The following MROH7 variants were observed in gnomAD, a reference collection of about 807,000 sequenced individuals.
MROH7 encodes maestro heat-like repeat-containing protein family member 7.
Under a neutral mutation model 129.2 loss-of-function variants are expected in MROH7, and 113 were observed. The observed-to-expected ratio is 0.87, with a 90% confidence interval of 0.75 to 1.02. MROH7 has a LOEUF of 1.02. Among genes scored for constraint, MROH7 ranks in the 50% least tolerant of loss-of-function variants. MROH7 has a pLI of 0.00. For synonymous variants in MROH7, 655 were observed against 667.9 expected, an observed-to-expected ratio of 0.98 and a Z score of 0.30; for missense variants, 1,601 against 1,671.3, an observed-to-expected ratio of 0.96 and a Z score of 0.73.
At chr1:54,652,602 T>C (rs1333300349) in intron 2 of MROH7, among the ~76,000 whole-genome samples, 1 of 152,182 alleles carries the variant, frequency 6.6e-6, no homozygotes, top group Non-Finnish European at 1.5e-5. Context: ...ATTACCCCCA[T>C]GCAATCCTAC....
At chr1:54,695,548 C>A in intron 17 of MROH7, 58 bp downstream of exon 17, 1 of 1,061,118 alleles carries the variant, frequency 9.4e-7, no homozygotes, top group Non-Finnish European at 1.4e-6. Flanking sequence ...CGGTTCACGT[C>A]ACTGGTCATT....
rs762228723 is a variant in MROH7 at position 54,653,132 on chromosome 1, CA to C, written c.207del (p.Glu71ArgfsTer59). On this transcript the variant is annotated frameshift_variant, in exon 3 of 24. Transcript: ENST00000421030. LOFTEE classifies it high-confidence loss of function. ...CTTAATGATTCTTTGAGTCCAGTCT[CA>C]GGGGAGGCCTCAGGCCTGGTGTCTG... Reference protein sequence around the residue: ...PDLNDSLSPVSGEASGLVSEN... With the variant: ...PDLNDSLSPVXGEASGLVSEN... The C allele has an allele frequency of 1.2e-6, 2 of 1,614,086 alleles. No homozygotes were observed. Among genetic ancestry groups the C allele is most frequent in the Non-Finnish European group, 1.7e-6 (2 of 1,180,046 alleles).
In MROH7 at chr1:54,701,945, C is replaced by A. The variant is rs111749835; in HGVS notation, c.3286-145C>A. On this transcript the variant is annotated intron_variant, in intron 19 of 23. Coordinates refer to ENST00000421030, the MANE Select transcript of MROH7 (RefSeq NM_001039464.4). Reference sequence around the variant, plus strand: ...CATTTTCCTACTTAGCACTCAGGTGCCTTTTAGGTTAGTGGGGGTCTGGCT... The same window carrying A: ...CATTTTCCTACTTAGCACTCAGGTGACTTTTAGGTTAGTGGGGGTCTGGCT... 5.9e-5 allele frequency: 35 copies of A among 594,632 alleles called. 1 individual carries two copies. Among genetic ancestry groups the A allele is most frequent in the African/African-American group, 5.4e-4 (28 of 51,478 alleles). 36.8% of individuals were successfully genotyped at this position (594,632 alleles called of 1,614,324 possible).
intron 21 of MROH7, 91 bp downstream of exon 21, chr1:54,702,836 A>C: frequency 6.9e-7 from 1 of 1,453,068 alleles, no homozygotes; most frequent in Non-Finnish European, 9.3e-7. Flanking sequence ...TCCCACCAGC[A>C]TCCTATTTCC....
At chr1:54,648,372 A>ATTT (rs1207373736) in intron 1 of MROH7, among the ~76,000 whole-genome samples, 1 of 127,194 alleles carries the variant, frequency 7.9e-6, no homozygotes, top group African/African-American at 2.8e-5. Flanking sequence ...TTATTTATTT[A>ATTT]TTTATTTTTT....
intron 7 of MROH7, among the ~76,000 whole-genome samples, chr1:54,672,477 A>G (rs1644917268): frequency 6.6e-6 from 1 of 152,112 alleles, no homozygotes; most frequent in Non-Finnish European, 1.5e-5. Flanking sequence ...CCATAAGACA[A>G]TTCTGGGATG....
intron 4 of MROH7, 75 bp from the exon 5 acceptor site, chr1:54,668,779 G>A: frequency 8.9e-7 from 1 of 1,119,138 alleles, no homozygotes. Context: ...GGTTAACAGT[G>A]CTGTATGGGC....
intron 16 of MROH7, 83 bp from the exon 17 acceptor site, chr1:54,695,265 ATCCAGGTGATCCTGGCTTACCCAGGATT>A: frequency 1.6e-6 from 1 of 636,552 alleles, no homozygotes. Flanking sequence ...GAACGCAGGA[ATCCAGGTGATCCTGGCTTACCCAGGATT>A]TCCAGTGTCA....
chr1:54,692,992 T>G (rs181888438), intron 16 of MROH7, among the ~76,000 whole-genome samples: 2 of 151,910 alleles, frequency 1.3e-5, no homozygotes, highest in Non-Finnish European at 2.9e-5. Flanking sequence ...AGCATGGAAA[T>G]AATAGTCAGA....
rs200703123 is a variant in MROH7, at chr1:54,701,247, G to T, written c.3210G>T (p.Lys1070Asn). Residue 1070 changes from lysine to asparagine, a missense_variant, in exon 19 of 24, where the codon AAG (lysine) becomes AAT (asparagine). Coordinates refer to ENST00000421030, the MANE Select transcript of MROH7 (RefSeq NM_001039464.4). ...EAVHNLKAVF[K>N]GRDQKLMDSA... ...TCCACAACCTCAAGGCTGTCTTCAA[G>T]GGGCGGGACCAGAAGCTGATGGACA... 3.8e-5 allele frequency: 61 copies of T among 1,614,136 alleles called. 1 individual carries two copies. The South Asian group carries it at 5.3e-4, about 14-fold the overall frequency.
At chr1:54,683,251 T>C (rs545746758) in intron 14 of MROH7, among the ~76,000 whole-genome samples, 13 of 152,210 alleles carry the variant, frequency 8.5e-5, no homozygotes, top group Non-Finnish European at 1.8e-4. Context: ...AGTTTCTACA[T>C]ATGTGAATAG....
At chr1:54,652,547 G>A (rs140975802) in intron 2 of MROH7, among the ~76,000 whole-genome samples, 1 of 152,330 alleles carries the variant, frequency 6.6e-6, no homozygotes, top group African/African-American at 2.4e-5. Flanking sequence ...AATGAAATGT[G>A]CTGAGTATTT....
At chr1:54,698,707 C>G (rs1645361252) in intron 17 of MROH7, 1 of 151,906 alleles carries the variant, frequency 6.6e-6, no homozygotes, top group Non-Finnish European at 1.5e-5. Flanking sequence ...TGGTGTGCAG[C>G]TTGGACGATG....
chr1:54,701,134 GC>G lies in MROH7; in HGVS notation c.3106-5del, dbSNP rs1440298708. On this transcript the variant is annotated splice_polypyrimidine_tract_variant and splice_region_variant and intron_variant, in intron 18 of 23. Transcript: ENST00000421030. Reference sequence around the variant, plus strand: ...AGGAGCCCTCATCCCAAATGCTCCTGCCCCACAGACCGCCAAGGTGAAGGCC... The same window carrying G: ...AGGAGCCCTCATCCCAAATGCTCCTGCCCACAGACCGCCAAGGTGAAGGCC... 1 of 1,612,996 alleles carries G rather than the reference GC, an allele frequency of 6.2e-7. No homozygotes were observed.
chr1:54,680,032 CT>C lies in MROH7; in HGVS notation c.2369del (p.Leu790ProfsTer3). On this transcript the variant is annotated frameshift_variant, in exon 13 of 24. Coordinates refer to ENST00000421030, the MANE Select transcript of MROH7 (RefSeq NM_001039464.4). LOFTEE classifies it high-confidence loss of function. ...TGTGGTGGCCCTGCTCATGTGCCCC[CT>C]CCCACTGAACAGGTACCAAGTGAAG... The part of the protein sequence containing the change: ...EVVVALLMCP[L>X]PLNSNGAEMW... 1.2e-6 allele frequency: 2 copies of C among 1,613,976 alleles called. No individual in the cohort carries two copies. The highest frequency in any genetic ancestry group is 1.7e-6 in the Non-Finnish European group (2 of 1,179,932).
chr1:54,700,340 T>C lies in MROH7; in HGVS notation c.2984T>C (p.Val995Ala), dbSNP rs750930019. 3 of 1,614,068 alleles carry C rather than the reference T, an allele frequency of 1.9e-6. No homozygotes were observed. Among genetic ancestry groups the C allele is most frequent in the Non-Finnish European group, 2.5e-6 (3 of 1,179,996 alleles). Reference sequence around the variant, plus strand: ...CCTCAGCTCCTCCAGATGGAGCAGGTGCGCCGGATCCCCGAGGAATACTCT... The same window carrying C: ...CCTCAGCTCCTCCAGATGGAGCAGGCGCGCCGGATCCCCGAGGAATACTCT... ...FFVELLQMEQ[V>A]RRIPEEYSLG... The change falls in exon 18 of 24, where the codon GTG (valine) becomes GCG (alanine). Residue 995 changes from valine (V) to alanine (A), a missense_variant. Coordinates refer to ENST00000421030, the MANE Select transcript of MROH7 (RefSeq NM_001039464.4).
intron 10 of MROH7, 114 bp downstream of exon 10, chr1:54,674,265 AAC>A: frequency 1.6e-6 from 2 of 1,236,804 alleles, no homozygotes; most frequent in Non-Finnish European, 2.2e-6. Context: ...AGATGGGGGA[AAC>A]CAGCACAGGG....
At chr1:54,701,361 G>A in intron 19 of MROH7, 39 bp downstream of exon 19, 1 of 1,503,404 alleles carries the variant, frequency 6.7e-7, no homozygotes, top group East Asian at 2.4e-5. Context: ...GAGGGATCGA[G>A]AAGGGGGTCT....
At chr1:54,695,605 G>A (rs1227553620) in intron 17 of MROH7, 115 bp downstream of exon 17, 4 of 742,872 alleles carry the variant, frequency 5.4e-6, no homozygotes, top group Non-Finnish European at 9.8e-6. Flanking sequence ...CTTCCCATGG[G>A]CATGACTTCT....
Sources: allele counts gnomAD v4.1 joint callset (sites outside exome capture counted in the v4.1 genomes callset), GRCh38; gene constraint gnomAD v4.1.1; transcripts MANE v1.5; gene names NCBI Gene and HGNC (gene_info 2026-07-23, HGNC 2026-07-21).